Variants in TNS1 observed in about 807,000 individuals in gnomAD.
The protein encoded by TNS1 is tensin-1.
A neutral mutation model predicts 168.6 loss-of-function variants in TNS1; 62 were observed. That is an observed-to-expected ratio of 0.37 (90% CI 0.30 to 0.45). The LOEUF is 0.45. Ranked by LOEUF, TNS1 falls within the 20% of genes least tolerant of loss-of-function variation. The pLI is 1.00. For synonymous variants in TNS1, 934 were observed against 933.2 expected, an observed-to-expected ratio of 1.00 and a Z score of -0.02; for missense variants, 2,240 against 2,339.4, an observed-to-expected ratio of 0.96 and a Z score of 0.88.
At chr2:217,869,671 C>A (rs1001619040) in intron 18 of TNS1, among the ~76,000 whole-genome samples, 1 of 152,230 alleles carries the variant, frequency 6.6e-6, no homozygotes, top group Non-Finnish European at 1.5e-5. Flanking sequence ...GCTCTGTGGA[C>A]GCATCTACTG....
At chr2:217,895,173 T>G (rs1251397333) in intron 8 of TNS1, 117 bp from the exon 9 acceptor site, 1 of 1,023,094 alleles carries the variant, frequency 9.8e-7, no homozygotes. Flanking sequence ...GCCAACTTCC[T>G]CTGAAGAGCC....
At chr2:217,893,117 G>A (rs1041641079) in intron 10 of TNS1, 105 bp from the exon 11 acceptor site, 27 of 1,409,936 alleles carry the variant, frequency 1.9e-5, no homozygotes, top group Non-Finnish European at 2.6e-5. Flanking sequence ...TGGAGAGAGG[G>A]GTGTGGATTT....
chr2:217,865,963 T>G (rs1949235577), intron 18 of TNS1, among the ~76,000 whole-genome samples: 1 of 152,184 alleles, frequency 6.6e-6, no homozygotes, highest in South Asian at 2.1e-4. Flanking sequence ...TCATCCTACC[T>G]AGACAGATGC....
intron 31 of TNS1, 50 bp downstream of exon 31, chr2:217,808,553 G>A (rs371488493): frequency 4.2e-5 from 65 of 1,544,840 alleles, no homozygotes; most frequent in Middle Eastern, 3.4e-4. Flanking sequence ...CCACACAGAC[G>A]TCAGTGTTAG....
rs76721433 is a variant in TNS1 at position 217,959,635 on chromosome 2, G to A, written c.186+19130C>T. On this transcript the variant is annotated intron_variant, in intron 3 of 32. Coordinates refer to ENST00000682258, the MANE Select transcript of TNS1 (RefSeq NM_001387777.1). ...AGCATAAAACCTGGTGCCTTAGCATGAAGACTGGTGTCTAATTGCTTAATA... is the reference window on the plus strand; with the variant it reads ...AGCATAAAACCTGGTGCCTTAGCATAAAGACTGGTGTCTAATTGCTTAATA... 2.5e-3 allele frequency among the ~76,000 whole-genome samples: 377 copies of A among 152,334 alleles called. 1 individual carries two copies. Among genetic ancestry groups the A allele is most frequent in the African/African-American group, 8.1e-3 (336 of 41,578 alleles).
chr2:217,829,948 TGAG>T (rs1443791787), intron 22 of TNS1: 2 of 1,596,812 alleles, frequency 1.3e-6, no homozygotes, highest in Non-Finnish European at 8.5e-7. Flanking sequence ...GTGGTGAAGA[TGAG>T]GAAGAGCAAA....
intron 1 of TNS1, among the ~76,000 whole-genome samples, chr2:218,028,053 AG>A (rs1247525113): frequency 1.3e-5 from 2 of 152,222 alleles, no homozygotes; most frequent in East Asian, 3.8e-4. Flanking sequence ...GCTGGCCTGG[AG>A]GACACCGCTT....
chr2:217,850,762 C>T (rs1947376574), intron 18 of TNS1, among the ~76,000 whole-genome samples: 1 of 152,032 alleles, frequency 6.6e-6, no homozygotes, highest in Admixed American at 6.5e-5. Flanking sequence ...TAAGAGATCA[C>T]CCAAATCAGA....
chr2:217,967,136 G>A (rs932772974), intron 3 of TNS1, among the ~76,000 whole-genome samples: 5 of 151,994 alleles, frequency 3.3e-5, no homozygotes, highest in Admixed American at 6.6e-5. Context: ...TGGCTAACAC[G>A]GTGAAACCCC....
Position 217,860,677 on chromosome 2 carries a change from T to C in TNS1, c.1430-11590A>G, listed in dbSNP as rs113061429. On this transcript the variant is annotated intron_variant, in intron 18 of 32. Transcript: ENST00000682258. ...ATCTACATTATTATTTTGTAAGTTA[T>C]AAAAATAAACTTCATTTAACTTAAA... Among the ~76,000 whole-genome samples the C allele has an allele frequency of 5.1e-3, 770 of 152,370 alleles. 2 individuals are homozygous for C. Among genetic ancestry groups the C allele is most frequent in the Non-Finnish European group, 7.6e-3 (515 of 68,038 alleles).
At chr2:217,936,939 C>T (rs963880038) in intron 3 of TNS1, 3 of 456,674 alleles carry the variant, frequency 6.6e-6, no homozygotes, top group Non-Finnish European at 1.3e-5. Context: ...TGTAGCAGAG[C>T]TGGGAGGGAG....
chr2:218,021,308 G>A (rs562658084), intron 1 of TNS1, among the ~76,000 whole-genome samples: 74 of 152,336 alleles, frequency 4.9e-4, no homozygotes, highest in African/African-American at 1.8e-3. Context: ...CTGGGGCAGG[G>A]AATGAAAAGG....
intron 18 of TNS1, 139 bp from the exon 19 acceptor site, chr2:217,849,226 T>G: frequency 9.4e-7 from 1 of 1,061,238 alleles, no homozygotes. Context: ...CACCCTGAGG[T>G]GGGGAAAAGG....
chr2:218,012,361 C>T (rs945922037), upstream of TNS1, among the ~76,000 whole-genome samples: 3 of 152,152 alleles, frequency 2.0e-5, no homozygotes, highest in African/African-American at 7.2e-5. Context: ...CTTCTCAGCA[C>T]TTGGGCATGA....
At chr2:217,844,241 G>A (rs1036970054) in intron 19 of TNS1, among the ~76,000 whole-genome samples, 1 of 151,998 alleles carries the variant, frequency 6.6e-6, no homozygotes, top group African/African-American at 2.4e-5. Flanking sequence ...GCACCACTTA[G>A]GCTATCTAAT....
At chr2:217,936,161 C>A (rs923128087) in intron 3 of TNS1, among the ~76,000 whole-genome samples, 2 of 152,228 alleles carry the variant, frequency 1.3e-5, no homozygotes, top group African/African-American at 4.8e-5. Context: ...AGCAATCAGG[C>A]TCCTCCACCC....
At chr2:217,940,343 G>A (rs532722431) in intron 3 of TNS1, among the ~76,000 whole-genome samples, 14 of 152,166 alleles carry the variant, frequency 9.2e-5, no homozygotes, top group Non-Finnish European at 1.6e-4. Context: ...CAAACATATC[G>A]CTCAACTGGG....
chr2:217,893,010 T>C lies in TNS1; in HGVS notation c.720A>G (p.Gly240=). ...PHNVVVLHNK[G]NRGRIGVVIA... is the part of the protein sequence containing the mutation. ...TGACAACTCCTATCCTGCCTCGGTT[T>C]CCCTGAAAGAGCCCCAAACACAAAA... The change falls in exon 11 of 33, where the codon GGA becomes GGG. Residue 240 remains glycine (G), a splice_region_variant and synonymous_variant. Transcript: ENST00000682258. 1 of 1,614,150 alleles carries C rather than the reference T, an allele frequency of 6.2e-7. No homozygotes were observed. The highest frequency in any genetic ancestry group is 8.5e-7 in the Non-Finnish European group (1 of 1,179,996).
At position 217,964,655 on chromosome 2, in the gene TNS1, T is replaced by C. The variant is rs1303802355; in HGVS notation, c.186+14110A>G. Among the ~76,000 whole-genome samples the C allele has an allele frequency of 4.7e-4, 71 of 152,174 alleles. 1 individual carries two copies. The highest frequency in any genetic ancestry group is 1.3e-4 in the Non-Finnish European group (9 of 68,014). ...GGAATTCAAGCCAGTGTGAGTTCTG[T>C]ATGCAGACGAGGGCTCCAGGGCTTT... On this transcript the variant is annotated intron_variant, in intron 3 of 32. Transcript: ENST00000682258.
Sources: gnomAD v4.1 joint callset for allele counts (sites outside exome capture counted in the v4.1 genomes callset) on GRCh38, gnomAD v4.1.1 for gene constraint, MANE v1.5 for transcripts, NCBI Gene and HGNC (gene_info 2026-07-23, HGNC 2026-07-21) for gene names.